The following DAAM2 variants were observed in gnomAD, a reference collection of about 807,000 sequenced individuals.
DAAM2 encodes the protein disheveled-associated activator of morphogenesis 2.
In DAAM2, 39 loss-of-function variants were observed where a neutral mutation model predicts 120.7. The observed-to-expected ratio is 0.32, with a 90% CI of 0.25 to 0.42. DAAM2 has a LOEUF of 0.42. DAAM2 is among the 10% of genes least tolerant of loss of function. The probability of loss-of-function intolerance (pLI) is 1.00; values close to 1 mark genes in which losing one functional copy is unlikely to be tolerated. For synonymous variants in DAAM2, 488 were observed against 524.9 expected (o/e 0.93, Z 0.96); for missense variants, 1,283 against 1,401.7 (o/e 0.92, Z 1.35).
intron 1 of DAAM2, among the ~76,000 whole-genome samples, chr6:39,832,735 G>A (rs1337234278): frequency 1.3e-5 from 2 of 152,106 alleles, no homozygotes; most frequent in Admixed American, 6.5e-5. Flanking sequence ...ACCAGGGAAG[G>A]GCCTGGGGGC....
rs2149368017 is a variant in DAAM2, at chr6:39,895,355, C to T, written c.2342-1457C>T. 2.0e-5 allele frequency among the ~76,000 whole-genome samples: 3 copies of T among 152,136 alleles called. No individual in the cohort carries two copies. In the South Asian group the frequency reaches 6.2e-4, roughly 32 times the overall value. ...GGTTCAAGCAATTCTCCTGTCTCAG[C>T]TTCCCAAGTAACTGGGATTACAGGT... is the stretch of plus-strand genomic sequence containing the variant. On this transcript the variant is annotated intron_variant, in intron 19 of 24. Coordinates refer to ENST00000274867, the MANE Select transcript of DAAM2 (RefSeq NM_001201427.2).
At chr6:39,900,315 A>G in intron 23 of DAAM2, 107 bp downstream of exon 23, 1 of 1,305,584 alleles carries the variant, frequency 7.7e-7, no homozygotes, top group East Asian at 2.6e-5. Flanking sequence ...CCAGAGTTAC[A>G]GAGCTTTGAG....
intron 1 of DAAM2, among the ~76,000 whole-genome samples, chr6:39,816,340 C>T (rs1384191223): frequency 6.6e-6 from 1 of 152,220 alleles, no homozygotes; most frequent in Non-Finnish European, 1.5e-5. Context: ...AACCTTCACA[C>T]CCTCATAACT....
At chr6:39,814,114 T>C (rs1326153754) in intron 1 of DAAM2, among the ~76,000 whole-genome samples, 1 of 152,178 alleles carries the variant, frequency 6.6e-6, no homozygotes, top group East Asian at 1.9e-4. Flanking sequence ...CCAACACAAA[T>C]TCATAAAATT....
At chr6:39,863,328 G>A (rs1388221716) in intron 3 of DAAM2, among the ~76,000 whole-genome samples, 1 of 152,152 alleles carries the variant, frequency 6.6e-6, no homozygotes, top group Admixed American at 6.5e-5. Context: ...CAGTCATGGA[G>A]AATTTAACAT....
chr6:39,871,723 T>C (rs1413029112), intron 9 of DAAM2, among the ~76,000 whole-genome samples, 151 bp downstream of exon 9: 1 of 152,066 alleles, frequency 6.6e-6, no homozygotes, highest in East Asian at 1.9e-4. Flanking sequence ...TGATCAGTCA[T>C]AGTTCTTCAT....
In DAAM2 at chr6:39,887,640, G is replaced by T. The variant is rs544200353; in HGVS notation, c.2060+48G>T. On this transcript the variant is annotated intron_variant, in intron 16 of 24. Coordinates refer to ENST00000274867, the MANE Select transcript of DAAM2 (RefSeq NM_001201427.2). ...GAGTTGGATGCCTGGGGGACAAAGG[G>T]GGTGGAGGAACGGAGTGGTGGCAGT... 5 of 1,370,786 alleles carry T rather than the reference G, an allele frequency of 3.6e-6. No individual in the cohort carries two copies. In the East Asian group the frequency reaches 1.2e-4, roughly 32 times the overall value. The allele number at this position is 1,370,786 out of a possible 1,614,324, so 84.9% of individuals were successfully genotyped here.
At chr6:39,801,042 GATA>G (rs1232633213) in intron 1 of DAAM2, among the ~76,000 whole-genome samples, 8 of 152,210 alleles carry the variant, frequency 5.3e-5, no homozygotes, top group Admixed American at 4.6e-4. Context: ...GTCAAATGGA[GATA>G]ATAACATTTC....
At chr6:39,865,273 A>G (rs983214633) in intron 5 of DAAM2, among the ~76,000 whole-genome samples, 199 bp downstream of exon 5, 1 of 152,196 alleles carries the variant, frequency 6.6e-6, no homozygotes, top group Non-Finnish European at 1.5e-5. Context: ...AACCTGGGAA[A>G]GTGGGATAAA....
At position 39,818,826 on chromosome 6, in the gene DAAM2, C is replaced by T. The variant is rs1234875983; in HGVS notation, c.-57+26361C>T. The T allele has an allele frequency of 2.6e-5, 4 of 152,272 alleles. No individual in the cohort carries two copies. In the South Asian group the frequency reaches 6.2e-4, roughly 24 times the overall value. 9.4% of individuals were successfully genotyped at this position (152,272 alleles called of 1,614,324 possible). ...GAAAGGGCTCAGGAGCCAGCTGTCGCTCTGTGTTTTTTGCTACTGAGTCAC... is the reference window on the plus strand; with the variant it reads ...GAAAGGGCTCAGGAGCCAGCTGTCGTTCTGTGTTTTTTGCTACTGAGTCAC... On this transcript the variant is annotated intron_variant, in intron 1 of 24. Transcript: ENST00000274867.
intron 3 of DAAM2, 75 bp downstream of exon 3, chr6:39,861,092 A>T (rs557584057): frequency 6.7e-6 from 7 of 1,052,340 alleles, no homozygotes; most frequent in Non-Finnish European, 1.0e-5. Flanking sequence ...TGGCATGCTC[A>T]TGCATTCACC....
chr6:39,888,809 G>A (rs778427974), intron 17 of DAAM2, 46 bp downstream of exon 17: 1 of 1,492,644 alleles, frequency 6.7e-7, no homozygotes, highest in Non-Finnish European at 9.3e-7. Flanking sequence ...CCAGCGGGCA[G>A]CCACGCCCCT....
intron 3 of DAAM2, chr6:39,861,870 T>G (rs1764225514): frequency 6.6e-6 from 1 of 152,622 alleles, no homozygotes; most frequent in South Asian, 2.1e-4. Context: ...GCTCCCTCCC[T>G]CCTGGGAGGA....
In DAAM2 at chr6:39,902,043, G is replaced by T. The variant is rs763775864; in HGVS notation, c.*6G>T. The T allele has an allele frequency of 1.3e-6, 2 of 1,595,080 alleles. No individual in the cohort carries two copies. Among genetic ancestry groups the T allele is most frequent in the Non-Finnish European group, 1.7e-6 (2 of 1,167,122 alleles). The stretch of plus-strand genomic sequence containing the variant: ...TAAACCGGCTAAATTATTGACCTGG[G>T]GAACTAGCCACACAGGAGGCCGGGA... On this transcript the variant is annotated 3_prime_UTR_variant, in exon 25 of 25. Coordinates refer to ENST00000274867, the MANE Select transcript of DAAM2 (RefSeq NM_001201427.2).
chr6:39,871,175 G>A (rs1296953258), intron 8 of DAAM2, among the ~76,000 whole-genome samples: 1 of 152,170 alleles, frequency 6.6e-6, no homozygotes, highest in Non-Finnish European at 1.5e-5. Flanking sequence ...TCTAGTGGGT[G>A]GAGGCTGGGG....
chr6:39,897,238 C>T lies in DAAM2; in HGVS notation c.2574C>T (p.Asn858=), dbSNP rs375922849. 5.0e-6 allele frequency: 8 copies of T among 1,613,656 alleles called. No individual in the cohort carries two copies. In the African/African-American group the frequency reaches 8.0e-5, roughly 16 times the overall value. The change falls in exon 21 of 25, where the codon AAC becomes AAT. Residue 858 remains asparagine (N), a synonymous_variant. Transcript: ENST00000274867. Reference sequence around the variant, plus strand: ...AGAAGCATTTTCCTGATATTCTAAACATGCCTTCAGAGCTGCAACATCTTC... The same window carrying T: ...AGAAGCATTTTCCTGATATTCTAAATATGCCTTCAGAGCTGCAACATCTTC... ...ILEKHFPDIL[N]MPSELQHLPE... is the part of the protein sequence containing the mutation.
intron 7 of DAAM2, 120 bp from the exon 8 acceptor site, chr6:39,870,220 G>T: frequency 1.5e-6 from 1 of 653,234 alleles, no homozygotes; most frequent in Non-Finnish European, 2.8e-6. Flanking sequence ...GCAGCTCCAG[G>T]TGAGTTAGCT....
chr6:39,850,125 G>A (rs1220292457), intron 1 of DAAM2, among the ~76,000 whole-genome samples: 1 of 152,172 alleles, frequency 6.6e-6, no homozygotes, highest in East Asian at 1.9e-4. Context: ...CAGGGTACTC[G>A]CATACCCTTT....
intron 1 of DAAM2, among the ~76,000 whole-genome samples, chr6:39,803,929 AGT>A (rs1761937816): frequency 6.6e-6 from 1 of 152,342 alleles, no homozygotes; most frequent in African/African-American, 2.4e-5. Context: ...GACTCTCAAG[AGT>A]GAAAGGGGCA....
Sources: gnomAD v4.1 joint callset for allele counts (sites outside exome capture counted in the v4.1 genomes callset) on GRCh38, gnomAD v4.1.1 for gene constraint, MANE v1.5 for transcripts, NCBI Gene and HGNC (gene_info 2026-07-23, HGNC 2026-07-21) for gene names.